The following MAP2K1 variants were observed in gnomAD, a reference collection of about 807,000 sequenced individuals.
The protein encoded by MAP2K1 is mitogen-activated protein kinase kinase 1.
MAP2K1 carries 16 observed loss-of-function variants against 46.3 expected under a neutral mutation model. The ratio of observed to expected loss-of-function variants is 0.35; its 90% CI spans 0.23 to 0.52. The LOEUF (loss-of-function observed/expected upper bound fraction) is 0.52. Among genes scored for constraint, MAP2K1 ranks in the 20% least tolerant of loss-of-function variants. The pLI is 0.94. For missense variants in MAP2K1, 263 were observed against 497.1 expected, an observed-to-expected ratio of 0.53 and a Z score of 4.48; for synonymous variants, 183 against 185.6, an observed-to-expected ratio of 0.99 and a Z score of 0.11.
intron 1 of MAP2K1, among the ~76,000 whole-genome samples, chr15:66,420,719 A>ATATATATATATATATATG (rs1326983593): frequency 3.1e-5 from 1 of 32,744 alleles, no homozygotes; most frequent in African/African-American, 1.2e-4. Flanking sequence ...ATATATATAT[A>ATATATATATATATATATG]TATGTGTGTG....
chr15:66,405,872 C>T (rs1055675483), intron 1 of MAP2K1, among the ~76,000 whole-genome samples: 2 of 152,220 alleles, frequency 1.3e-5, no homozygotes, highest in African/African-American at 2.4e-5. Flanking sequence ...TGACTTCCTA[C>T]CAAGCGCTTT....
At chr15:66,443,588 G>GA (rs66533606) in intron 4 of MAP2K1, among the ~76,000 whole-genome samples, 5 of 420 alleles carry the variant, frequency 0.012, no homozygotes, top group Non-Finnish European at 0.029. Context: ...CTTGAAAAAC[G>GA]GGCCAGGCAC....
chr15:66,452,298 A>G (rs867341179), intron 5 of MAP2K1, among the ~76,000 whole-genome samples: 29 of 38,232 alleles, frequency 7.6e-4, no homozygotes, highest in African/African-American at 1.2e-3. Flanking sequence ...AAAAAAAAAA[A>G]AAAAAGAAAA....
In MAP2K1 at chr15:66,491,484, C is replaced by G. The variant is rs1893256076; in HGVS notation, c.*869C>G. 1 of 208,386 alleles carries G rather than the reference C, an allele frequency of 4.8e-6. No homozygotes were observed. Among genetic ancestry groups the G allele is most frequent in the Admixed American group, 5.9e-5 (1 of 16,904 alleles). 12.9% of individuals were successfully genotyped at this position (208,386 alleles called of 1,614,324 possible). On this transcript the variant is annotated 3_prime_UTR_variant, in exon 11 of 11. Transcript: ENST00000307102. Reference sequence around the variant, plus strand: ...TAACCATTTTAACCTAGATGTTTAACAAATCTAATCTCTTATTCTAATAAA... The same window carrying G: ...TAACCATTTTAACCTAGATGTTTAAGAAATCTAATCTCTTATTCTAATAAA...
At chr15:66,419,538 A>C (rs1472748972) in intron 1 of MAP2K1, among the ~76,000 whole-genome samples, 2 of 151,976 alleles carry the variant, frequency 1.3e-5, no homozygotes, top group Non-Finnish European at 2.9e-5. Flanking sequence ...AAAAAATTTC[A>C]TATGCGGCTA....
At chr15:66,434,497 G>A (rs1006311902) in intron 1 of MAP2K1, among the ~76,000 whole-genome samples, 1 of 152,152 alleles carries the variant, frequency 6.6e-6, no homozygotes, top group African/African-American at 2.4e-5. Context: ...TTTTAGATAT[G>A]TAATTTTTAT....
chr15:66,489,133 C>CTGG, intron 8 of MAP2K1, 82 bp from the exon 9 acceptor site: 1 of 1,062,352 alleles, frequency 9.4e-7, no homozygotes, highest in East Asian at 2.4e-5. Context: ...GTAGCACTGG[C>CTGG]TGGTGGGAGG....
intron 1 of MAP2K1, among the ~76,000 whole-genome samples, chr15:66,423,046 C>T (rs1009621287): frequency 6.6e-6 from 1 of 152,086 alleles, no homozygotes; most frequent in African/African-American, 2.4e-5. Flanking sequence ...AGTGGTCCTC[C>T]TGCCTTGGCC....
intron 3 of MAP2K1, among the ~76,000 whole-genome samples, chr15:66,438,548 C>T (rs1396460917): frequency 6.6e-6 from 1 of 152,156 alleles, no homozygotes; most frequent in Non-Finnish European, 1.5e-5. Flanking sequence ...CTTGCCATGT[C>T]CTCCCCTTCC....
intron 1 of MAP2K1, among the ~76,000 whole-genome samples, chr15:66,433,901 CT>C (rs2093480839): frequency 6.6e-6 from 1 of 152,224 alleles, no homozygotes; most frequent in African/African-American, 2.4e-5. Flanking sequence ...GTGATGAACA[CT>C]TTTCAGTTCC....
intron 5 of MAP2K1, among the ~76,000 whole-genome samples, chr15:66,473,697 A>C (rs1416205334): frequency 6.6e-6 from 1 of 151,974 alleles, no homozygotes; most frequent in African/African-American, 2.4e-5. Flanking sequence ...TTCTTTTTTG[A>C]GACAAAGTCT....
intron 5 of MAP2K1, among the ~76,000 whole-genome samples, chr15:66,473,978 G>A (rs1007901079): frequency 1.8e-4 from 28 of 152,074 alleles, no homozygotes; most frequent in African/African-American, 5.8e-4. Flanking sequence ...CACCATGCCC[G>A]GCCTAAAAAT....
chr15:66,470,054 T>G (rs1001235229), intron 5 of MAP2K1, among the ~76,000 whole-genome samples: 1 of 150,050 alleles, frequency 6.7e-6, no homozygotes, highest in Non-Finnish European at 1.5e-5. Context: ...TTTCTTTTGC[T>G]GGCCGTTTTT....
At chr15:66,391,687 A>G (rs1184235864) in intron 1 of MAP2K1, among the ~76,000 whole-genome samples, 1 of 152,208 alleles carries the variant, frequency 6.6e-6, no homozygotes, top group African/African-American at 2.4e-5. Context: ...TAATATTTGC[A>G]CAACGGGTTT....
chr15:66,444,025 G>A (rs990383159), intron 4 of MAP2K1, among the ~76,000 whole-genome samples: 8 of 152,156 alleles, frequency 5.3e-5, no homozygotes, highest in African/African-American at 1.9e-4. Context: ...ATCACCTGAG[G>A]TCGGGAGTTC....
At chr15:66,395,916 T>C (rs2093366485) in intron 1 of MAP2K1, among the ~76,000 whole-genome samples, 1 of 152,120 alleles carries the variant, frequency 6.6e-6, no homozygotes, top group Non-Finnish European at 1.5e-5. Flanking sequence ...CTTTAACTTC[T>C]GTGAAAACAG....
At chr15:66,488,795 G>A in intron 8 of MAP2K1, 1 of 227,122 alleles carries the variant, frequency 4.4e-6, no homozygotes. Flanking sequence ...AGCTGTTGCT[G>A]CCAGTAAATT....
At position 66,387,206 on chromosome 15, in the gene MAP2K1, C is replaced by A. The variant is rs911926667; in HGVS notation, c.-142C>A. 2.5e-5 allele frequency: 15 copies of A among 609,398 alleles called. No homozygotes were observed. The highest frequency in any genetic ancestry group is 3.8e-5 in the Non-Finnish European group (14 of 363,798). 37.7% of individuals were successfully genotyped at this position (609,398 alleles called of 1,614,324 possible). A position where few individuals can be genotyped will look rare whatever the true frequency, so the allele number is the denominator to read the frequency against. ...CGGCCCCTCGGCGCTGACGGGACCGCGCGGGGCGCACCCGCTGAAGGCAGC... is the reference window on the plus strand; with the variant it reads ...CGGCCCCTCGGCGCTGACGGGACCGAGCGGGGCGCACCCGCTGAAGGCAGC... On this transcript the variant is annotated 5_prime_UTR_variant, in exon 1 of 11. Coordinates refer to ENST00000307102, the MANE Select transcript of MAP2K1 (RefSeq NM_002755.4).
chr15:66,472,375 CG>C (rs1242243002), intron 5 of MAP2K1, among the ~76,000 whole-genome samples: 1 of 151,890 alleles, frequency 6.6e-6, no homozygotes, highest in Non-Finnish European at 1.5e-5. Flanking sequence ...TTTCTTCTCT[CG>C]GGCCAGCTGT....
Sources: allele counts gnomAD v4.1 joint callset (sites outside exome capture counted in the v4.1 genomes callset), GRCh38; gene constraint gnomAD v4.1.1; transcripts MANE v1.5; gene names NCBI Gene and HGNC (gene_info 2026-07-23, HGNC 2026-07-21).